Variants in WDR70 observed in about 807,000 individuals in gnomAD.
The protein encoded by WDR70 is WD repeat domain 70, also known as WD repeat-containing protein 70.
A neutral mutation model predicts 88.6 loss-of-function variants in WDR70; 53 were observed. The observed-to-expected ratio is 0.60, with a 90% confidence interval of 0.48 to 0.75. The LOEUF (loss-of-function observed/expected upper bound fraction) is 0.75. Ranked by LOEUF, WDR70 falls within the 30% of genes least tolerant of loss-of-function variation. The pLI is 0.00. For synonymous variants in WDR70, 280 were observed against 270.0 expected (o/e 1.04, Z -0.36); for missense variants, 610 against 823.2 (o/e 0.74, Z 3.17).
chr5:37,628,684 A>C lies in WDR70; in HGVS notation c.1092+23446A>C, dbSNP rs79602375. On this transcript the variant is annotated intron_variant, in intron 10 of 17. Coordinates refer to ENST00000265107, the MANE Select transcript of WDR70 (RefSeq NM_018034.4). ...TGTTTTAAATGGGGGAATTTAATCC[A>C]CTTACATTCAAGATTATTGATAGGT... is the stretch of plus-strand genomic sequence containing the variant. 1.8e-3 allele frequency among the ~76,000 whole-genome samples: 279 copies of C among 152,304 alleles called. 1 individual carries two copies. The highest frequency in any genetic ancestry group is 6.4e-3 in the African/African-American group (267 of 41,572).
intron 10 of WDR70, among the ~76,000 whole-genome samples, chr5:37,669,746 G>C (rs945735210): frequency 2.6e-5 from 4 of 152,200 alleles, no homozygotes; most frequent in Non-Finnish European, 4.4e-5. Context: ...GTTTGTGAAG[G>C]AGAGAGGAAA....
chr5:37,629,861 CTG>C (rs1166772160), intron 10 of WDR70, among the ~76,000 whole-genome samples: 4 of 152,140 alleles, frequency 2.6e-5, no homozygotes, highest in Admixed American at 6.5e-5. Flanking sequence ...TTCTGTGTCT[CTG>C]TATTAATTTC....
At position 37,697,738 on chromosome 5, in the gene WDR70, C is replaced by T. The variant is rs1326288676; in HGVS notation, c.1176C>T (p.Val392=). The T allele has an allele frequency of 6.8e-6, 11 of 1,613,444 alleles. No homozygotes were observed. Among genetic ancestry groups the T allele is most frequent in the South Asian group, 3.3e-5 (3 of 91,032 alleles). ...SCVTFSYDGN[V]LASRGGDDSL... ...TGACTTTTTCCTATGATGGTAATGT[C>T]CTTGCCTCTCGTGGAGGTAGGTTAA... Residue 392 remains valine (V), a synonymous_variant, in exon 11 of 18, where the codon GTC becomes GTT. Transcript: ENST00000265107.
intron 9 of WDR70, among the ~76,000 whole-genome samples, chr5:37,528,648 T>C (rs1279732369): frequency 1.3e-5 from 2 of 151,904 alleles, no homozygotes; most frequent in Non-Finnish European, 2.9e-5. Flanking sequence ...CTATTAATGT[T>C]TTTAGCCTAC....
intron 9 of WDR70, among the ~76,000 whole-genome samples, chr5:37,519,696 C>A (rs1347876424): frequency 6.6e-6 from 1 of 151,800 alleles, no homozygotes; most frequent in East Asian, 1.9e-4. Flanking sequence ...GGCGGCCGGG[C>A]AGAGGCGCTC....
At chr5:37,498,085 G>C (rs1740284127) in intron 8 of WDR70, among the ~76,000 whole-genome samples, 1 of 152,166 alleles carries the variant, frequency 6.6e-6, no homozygotes, top group Non-Finnish European at 1.5e-5. Context: ...GCCTCCCAAA[G>C]TCCTGGGATT....
chr5:37,493,608 T>C (rs758853672), intron 8 of WDR70, among the ~76,000 whole-genome samples: 144 of 152,188 alleles, frequency 9.5e-4, no homozygotes, highest in Non-Finnish European at 1.5e-3. Context: ...GCAGAGAATC[T>C]AGCTACGTTG....
chr5:37,676,158 T>A (rs573705500), intron 10 of WDR70, among the ~76,000 whole-genome samples: 6 of 151,232 alleles, frequency 4.0e-5, no homozygotes, highest in Middle Eastern at 6.8e-3. Context: ...GTTTTCTAAA[T>A]ATACAATCAT....
rs1739372800 is a variant in WDR70 at position 37,472,994 on chromosome 5, T to C, written c.687-6840T>C. Among the ~76,000 whole-genome samples the C allele has an allele frequency of 1.3e-5, 2 of 152,040 alleles. 1 individual carries two copies. The highest frequency in any genetic ancestry group is 4.1e-4 in the South Asian group (2 of 4,838). On this transcript the variant is annotated intron_variant, in intron 7 of 17. Transcript: ENST00000265107. The stretch of plus-strand genomic sequence containing the variant: ...CAACATATTTTTTTATCTTACACTT[T>C]ACCAGTTGTGTATGAGAATTCTAAT...
rs537555506 is a variant in WDR70, at chr5:37,388,238, C to T, written c.176-3762C>T. ...AGGTTCAAGGAATTCTTCCTCAGCC[C>T]CCTGAGTAGCTGGGATTACAGGTGT... On this transcript the variant is annotated intron_variant, in intron 3 of 17. Transcript: ENST00000265107. 3.3e-5 allele frequency among the ~76,000 whole-genome samples: 5 copies of T among 151,684 alleles called. No homozygotes were observed. The East Asian group carries it at 9.9e-4, about 30-fold the overall frequency.
At chr5:37,510,986 T>C (rs186910255) in intron 8 of WDR70, among the ~76,000 whole-genome samples, 1 of 152,342 alleles carries the variant, frequency 6.6e-6, no homozygotes, top group African/African-American at 2.4e-5. Flanking sequence ...CTTGCATTGG[T>C]GATGTTAACC....
At chr5:37,610,278 A>T (rs866855857) in intron 10 of WDR70, among the ~76,000 whole-genome samples, 12 of 152,180 alleles carry the variant, frequency 7.9e-5, no homozygotes, top group African/African-American at 1.9e-4. Flanking sequence ...AAAAAAAAAA[A>T]AAAAAAATTT....
intron 4 of WDR70, 23 bp downstream of exon 4, chr5:37,392,143 T>C: frequency 6.3e-7 from 1 of 1,596,594 alleles, no homozygotes; most frequent in Non-Finnish European, 8.5e-7. Flanking sequence ...CAGAAAGACT[T>C]CTATTAAACT....
At chr5:37,414,280 C>G (rs920266653) in intron 5 of WDR70, among the ~76,000 whole-genome samples, 14 of 152,152 alleles carry the variant, frequency 9.2e-5, no homozygotes, top group South Asian at 2.1e-4. Context: ...CCTTCTACCC[C>G]CTGGCTTGCT....
intron 8 of WDR70, among the ~76,000 whole-genome samples, chr5:37,499,587 TTCTCTCTC>T (rs72226896): frequency 7.2e-5 from 3 of 41,856 alleles, no homozygotes; most frequent in Admixed American, 3.2e-4. Flanking sequence ...TTTGGAAATA[TTCTCTCTC>T]TCTCTCTCTC....
intron 10 of WDR70, among the ~76,000 whole-genome samples, chr5:37,613,594 A>G (rs1024049486): frequency 2.0e-5 from 3 of 152,186 alleles, no homozygotes; most frequent in Non-Finnish European, 2.9e-5. Context: ...GGGCCTAATA[A>G]AGAGACCCTA....
At chr5:37,596,473 T>C (rs1743703667) in intron 9 of WDR70, among the ~76,000 whole-genome samples, 1 of 152,176 alleles carries the variant, frequency 6.6e-6, no homozygotes. Context: ...GAAAGGGTAG[T>C]GTGAAACTTT....
intron 9 of WDR70, among the ~76,000 whole-genome samples, chr5:37,523,544 A>C (rs188470956): frequency 6.6e-6 from 1 of 152,332 alleles, no homozygotes; most frequent in Admixed American, 6.5e-5. Context: ...ATAGAGCAGA[A>C]AAGCTGAAAA....
chr5:37,482,718 TAGAC>T (rs1739711319), intron 8 of WDR70, among the ~76,000 whole-genome samples: 2 of 152,198 alleles, frequency 1.3e-5, no homozygotes, highest in South Asian at 2.1e-4. Context: ...CTTCAGATCT[TAGAC>T]AGGATCAGAG....
Sources: allele counts gnomAD v4.1 joint callset (sites outside exome capture counted in the v4.1 genomes callset), GRCh38; gene constraint gnomAD v4.1.1; transcripts MANE v1.5; gene names NCBI Gene and HGNC (gene_info 2026-07-23, HGNC 2026-07-21).